The following LGALS13 variants were observed in gnomAD, a reference collection of about 807,000 sequenced individuals.
LGALS13 encodes the protein galectin 13.
Under a neutral mutation model 13.2 loss-of-function variants are expected in LGALS13, and 11 were observed. The observed-to-expected ratio is 0.83, with a 90% CI of 0.52 to 1.38. The LOEUF (loss-of-function observed/expected upper bound fraction) is 1.38. Among genes scored for constraint, LGALS13 ranks in the 40% most tolerant of loss-of-function variants. The pLI is 0.00. For missense variants in LGALS13, 183 were observed against 174.3 expected (o/e 1.05, Z -0.28); for synonymous variants, 71 against 63.7 (o/e 1.11, Z -0.54).
rs1972706034 is a variant in LGALS13 at position 39,607,270 on chromosome 19, G to A, written c.351G>A (p.Pro117=). 7 of 1,613,986 alleles carry A rather than the reference G, an allele frequency of 4.3e-6. No individual in the cohort carries two copies. The highest frequency in any genetic ancestry group is 1.1e-5 in the South Asian group (1 of 91,070). Residue 117 remains proline, a synonymous_variant, in exon 4 of 4, where the codon CCG becomes CCA. Coordinates refer to ENST00000221797, the MANE Select transcript of LGALS13 (RefSeq NM_013268.3). ...IRIYGFVHRI[P]PSFVKMVQVS... ...TTTACGGCTTTGTCCATCGAATCCC[G>A]CCATCATTTGTGAAGATGGTGCAAG... is the stretch of plus-strand genomic sequence containing the variant.
intron 2 of LGALS13, 134 bp downstream of exon 2, chr19:39,604,812 G>A: frequency 9.2e-7 from 1 of 1,082,900 alleles, no homozygotes; most frequent in South Asian, 1.3e-5. Flanking sequence ...AGGTCTTGGA[G>A]ACCCTCCAGC....
intron 2 of LGALS13, 125 bp downstream of exon 2, chr19:39,604,803 G>A (rs1972657760): frequency 4.3e-6 from 5 of 1,176,252 alleles, no homozygotes; most frequent in Non-Finnish European, 6.3e-6. Context: ...TGCAGGTGCA[G>A]GTCTTGGAGA....
chr19:39,605,716 TA>T (rs542859210), intron 3 of LGALS13, among the ~76,000 whole-genome samples: 27 of 149,562 alleles, frequency 1.8e-4, no homozygotes, highest in East Asian at 5.9e-4. Flanking sequence ...AAAAAAAGTT[TA>T]AAAAAAAAAG....
At chr19:39,604,535 AAT>A in intron 1 of LGALS13, 65 bp from the exon 2 acceptor site, 5 of 1,543,864 alleles carry the variant, frequency 3.2e-6, no homozygotes, top group East Asian at 4.5e-5. Flanking sequence ...GCACCATGAG[AAT>A]ATGTTACAGG....
chr19:39,604,536 A>G, intron 1 of LGALS13, 66 bp from the exon 2 acceptor site: 1 of 1,547,522 alleles, frequency 6.5e-7, no homozygotes, highest in South Asian at 1.1e-5. Context: ...CACCATGAGA[A>G]TATGTTACAG....
chr19:39,604,103 T>C (rs1252843825), intron 1 of LGALS13: 2 of 479,442 alleles, frequency 4.2e-6, no homozygotes, highest in Non-Finnish European at 5.4e-6. Context: ...CTCACTGGAG[T>C]GAATGTTTAA....
chr19:39,607,262 C>G lies in LGALS13; in HGVS notation c.343C>G (p.Arg115Gly), dbSNP rs144296975. The change falls in exon 4 of 4, where the codon CGA (arginine) becomes GGA (glycine). Residue 115 changes from arginine to glycine, a missense_variant. Physicochemically the swap from Arg to Gly is moderately radical, Grantham distance 125 (BLOSUM62 -2). Coordinates refer to ENST00000221797, the MANE Select transcript of LGALS13 (RefSeq NM_013268.3). ...CATACGCATTTACGGCTTTGTCCAT[C>G]GAATCCCGCCATCATTTGTGAAGAT... The part of the protein sequence containing the change: ...NGIRIYGFVH[R>G]IPPSFVKMVQ... The G allele has an allele frequency of 6.2e-7, 1 of 1,614,008 alleles. No individual in the cohort carries two copies. The highest frequency in any genetic ancestry group is 8.5e-7 in the Non-Finnish European group (1 of 1,179,924).
rs763680574 is a variant in LGALS13, at chr19:39,607,249, C to T, written c.330C>T (p.Tyr110=). Residue 110 remains tyrosine (Y), a synonymous_variant, in exon 4 of 4, where the codon TAC becomes TAT. Transcript: ENST00000221797. ...YEIKVNGIRI[Y]GFVHRIPPSF... ...TAAAGGTCAATGGCATACGCATTTA[C>T]GGCTTTGTCCATCGAATCCCGCCAT... 1.9e-5 allele frequency: 30 copies of T among 1,613,946 alleles called. No individual in the cohort carries two copies. Among genetic ancestry groups the T allele is most frequent in the East Asian group, 1.3e-4 (6 of 44,872 alleles).
intron 1 of LGALS13, among the ~76,000 whole-genome samples, chr19:39,604,335 A>G (rs1013293430): frequency 2.0e-5 from 3 of 152,120 alleles, no homozygotes; most frequent in Non-Finnish European, 4.4e-5. Context: ...AATGAGGGAG[A>G]GTTCAAGTAG....
intron 3 of LGALS13, 46 bp from the exon 4 acceptor site, chr19:39,607,177 T>C (rs758398523): frequency 6.9e-7 from 1 of 1,443,478 alleles, no homozygotes. Flanking sequence ...GGCCGAAAAC[T>C]TGTTTGGTGG....
rs748684493 is a variant in LGALS13 at position 39,604,599 on chromosome 19, C to A, written c.16-3C>A. The A allele has an allele frequency of 1.9e-6, 3 of 1,614,022 alleles. No individual in the cohort carries two copies. In the African/African-American group the frequency reaches 4.0e-5, roughly 22 times the overall value. ...CTCTCACTTACTCTCAATACTCTGGCAGGTGCCATACAAACTGCCTGTGTC... is the reference window on the plus strand; with the variant it reads ...CTCTCACTTACTCTCAATACTCTGGAAGGTGCCATACAAACTGCCTGTGTC... On this transcript the variant is annotated splice_polypyrimidine_tract_variant and splice_region_variant and intron_variant, in intron 1 of 3. Transcript: ENST00000221797.
chr19:39,607,155 G>A (rs1199239640), intron 3 of LGALS13, 68 bp from the exon 4 acceptor site: 4 of 989,068 alleles, frequency 4.0e-6, no homozygotes, highest in Non-Finnish European at 6.6e-6. Flanking sequence ...TACCAGGACA[G>A]AGTGGAGAGG....
chr19:39,606,496 C>CA (rs1220850181), intron 3 of LGALS13, among the ~76,000 whole-genome samples: 1 of 151,954 alleles, frequency 6.6e-6, no homozygotes, highest in East Asian at 1.9e-4. Context: ...AAGATAATTA[C>CA]AAAAAAATGG....
At chr19:39,603,133 T>C (rs138377951) in intron 1 of LGALS13, among the ~76,000 whole-genome samples, 6 of 152,328 alleles carry the variant, frequency 3.9e-5, no homozygotes, top group Admixed American at 3.9e-4. Context: ...GCACCTCTGA[T>C]GTGAATCCCA....
chr19:39,605,252 T>A lies in LGALS13; in HGVS notation c.167T>A (p.Val56Glu). The change falls in exon 3 of 4, where the codon GTG (valine) becomes GAG (glutamate). Residue 56 changes from valine (V) to glutamate (E), a missense_variant. Physicochemically the swap from Val to Glu is moderately radical, Grantham distance 121. Coordinates refer to ENST00000221797, the MANE Select transcript of LGALS13 (RefSeq NM_013268.3). ...TCAGATATTGCCTTCCGTTTCCGAGTGCACTTTGGCAATCATGTGGTCATG... is the reference window on the plus strand; with the variant it reads ...TCAGATATTGCCTTCCGTTTCCGAGAGCACTTTGGCAATCATGTGGTCATG... The part of the protein sequence containing the change: ...EDSDIAFRFR[V>E]HFGNHVVMNR... 1 of 1,614,222 alleles carries A rather than the reference T, an allele frequency of 6.2e-7. No individual in the cohort carries two copies. Among genetic ancestry groups the A allele is most frequent in the Non-Finnish European group, 8.5e-7 (1 of 1,180,022 alleles).
Position 39,605,174 on chromosome 19 carries a change from T to A in LGALS13, c.93-4T>A, listed in dbSNP as rs1951815474. 1 of 1,613,022 alleles carries A rather than the reference T, an allele frequency of 6.2e-7. No individual in the cohort carries two copies. The highest frequency in any genetic ancestry group is 1.1e-5 in the South Asian group (1 of 91,040). On this transcript the variant is annotated splice_polypyrimidine_tract_variant and splice_region_variant and intron_variant, in intron 2 of 3. Transcript: ENST00000221797. Reference sequence around the variant, plus strand: ...GCCCAACATTCTGCGTGCTTCACCCTCAGCAATGACCCACAGCTGCAGGTG... The same window carrying A: ...GCCCAACATTCTGCGTGCTTCACCCACAGCAATGACCCACAGCTGCAGGTG...
intron 3 of LGALS13, among the ~76,000 whole-genome samples, chr19:39,605,787 T>C (rs1159962890): frequency 3.3e-5 from 5 of 152,144 alleles, no homozygotes; most frequent in African/African-American, 2.4e-5. Context: ...AATTCTACCA[T>C]AGGAAAAACA....
At chr19:39,604,477 G>A in intron 1 of LGALS13, 125 bp from the exon 2 acceptor site, 1 of 1,063,184 alleles carries the variant, frequency 9.4e-7, no homozygotes, top group South Asian at 1.3e-5. Context: ...ATGCGGTAGG[G>A]TTAAAGAGGA....
At position 39,607,407 on chromosome 19, in the gene LGALS13, C is replaced by T; in HGVS notation, c.*68C>T. 1 of 1,013,686 alleles carries T rather than the reference C, an allele frequency of 9.9e-7. No individual in the cohort carries two copies. The highest frequency in any genetic ancestry group is 1.6e-6 in the Non-Finnish European group (1 of 633,634). 62.8% of individuals were successfully genotyped at this position (1,013,686 alleles called of 1,614,324 possible). A position where few individuals can be genotyped will look rare whatever the true frequency, so the allele number is the denominator to read the frequency against. On this transcript the variant is annotated 3_prime_UTR_variant, in exon 4 of 4. Coordinates refer to ENST00000221797, the MANE Select transcript of LGALS13 (RefSeq NM_013268.3). ...TACCTGACCATGGGATTCCCAGAACCTGCTAACAGAATAATCCCTGCTCAC... is the reference window on the plus strand; with the variant it reads ...TACCTGACCATGGGATTCCCAGAACTTGCTAACAGAATAATCCCTGCTCAC...
Sources: gnomAD v4.1 joint callset for allele counts (sites outside exome capture counted in the v4.1 genomes callset) on GRCh38, gnomAD v4.1.1 for gene constraint, MANE v1.5 for transcripts, NCBI Gene and HGNC (gene_info 2026-07-23, HGNC 2026-07-21) for gene names.